Variants in CACNA1C observed in about 807,000 individuals in gnomAD.
The protein encoded by CACNA1C is voltage-dependent L-type calcium channel subunit alpha-1C.
CACNA1C carries 30 observed loss-of-function variants against 229.0 expected under a neutral mutation model. That is an observed-to-expected ratio of 0.13 (90% confidence interval 0.10 to 0.18). CACNA1C has a LOEUF of 0.18. Ranked by LOEUF, CACNA1C falls within the 10% of genes least tolerant of loss-of-function variation. The probability of loss-of-function intolerance (pLI) is 1.00; values close to 1 mark genes in which losing one functional copy is unlikely to be tolerated. For synonymous variants in CACNA1C, 1,114 were observed against 1,132.5 expected (o/e 0.98, Z 0.33); for missense variants, 1,658 against 2,845.0 (o/e 0.58, Z 9.49).
chr12:2,360,623 G>C (rs1241581237), intron 3 of CACNA1C, among the ~76,000 whole-genome samples: 1 of 152,188 alleles, frequency 6.6e-6, no homozygotes, highest in Admixed American at 6.5e-5. Flanking sequence ...TGGGAGTCAA[G>C]AGATGTATCT....
In CACNA1C at chr12:2,610,684, C is replaced by T. The variant is rs1602006284; in HGVS notation, c.3702C>T (p.Ile1234=). 6.2e-7 allele frequency: 1 copy of T among 1,614,256 alleles called. No individual in the cohort carries two copies. Among genetic ancestry groups the T allele is most frequent in the Non-Finnish European group, 8.5e-7 (1 of 1,180,042 alleles). Residue 1234 remains isoleucine (I), a synonymous_variant, in exon 28 of 47, where the codon ATC becomes ATT. Coordinates refer to ENST00000399655, the MANE Select transcript of CACNA1C (RefSeq NM_000719.7). Reference sequence around the variant, plus strand: ...TCGTCCTCATCCTGCTCAACACCATCTGCCTGGCCATGCAGGTCAGTCCCA... The same window carrying T: ...TCGTCCTCATCCTGCTCAACACCATTTGCCTGGCCATGCAGGTCAGTCCCA... The part of the protein sequence containing the change: ...LMFVLILLNT[I]CLAMQHYGQS...
chr12:2,112,087 G>A (rs922643263), intron 1 of CACNA1C, among the ~76,000 whole-genome samples: 1 of 152,168 alleles, frequency 6.6e-6, no homozygotes, highest in African/African-American at 2.4e-5. Flanking sequence ...AGGAGGCAGG[G>A]GTAGAGTCTA....
At chr12:2,377,221 A>G (rs527685838) in intron 3 of CACNA1C, among the ~76,000 whole-genome samples, 1 of 152,278 alleles carries the variant, frequency 6.6e-6, no homozygotes, top group African/African-American at 2.4e-5. Flanking sequence ...GGTTTCACTG[A>G]GCAGGGCTGT....
chr12:2,211,410 T>C (rs2097913138), intron 3 of CACNA1C, among the ~76,000 whole-genome samples: 1 of 152,214 alleles, frequency 6.6e-6, no homozygotes, highest in Non-Finnish European at 1.5e-5. Context: ...AGAAGGAGTA[T>C]GTCCGTGGAC....
At chr12:2,242,098 G>A (rs368461291) in intron 3 of CACNA1C, among the ~76,000 whole-genome samples, 65 of 152,110 alleles carry the variant, frequency 4.3e-4, no homozygotes, top group Admixed American at 1.6e-3. Flanking sequence ...CAGTCAGGCC[G>A]CATCCTCCGA....
chr12:2,074,548 G>A (rs771240440), intron 1 of CACNA1C, among the ~76,000 whole-genome samples: 2 of 152,048 alleles, frequency 1.3e-5, no homozygotes, highest in Non-Finnish European at 2.9e-5. Context: ...GACTCCTCTG[G>A]GGTCTCCTCT....
chr12:2,223,813 G>T (rs2062111137), intron 3 of CACNA1C, among the ~76,000 whole-genome samples: 1 of 152,102 alleles, frequency 6.6e-6, no homozygotes, highest in Non-Finnish European at 1.5e-5. Context: ...CATCCCTCAA[G>T]AAACTTATAT....
At chr12:2,625,091 C>T (rs1011294644) in intron 29 of CACNA1C, among the ~76,000 whole-genome samples, 1 of 152,102 alleles carries the variant, frequency 6.6e-6, no homozygotes, top group Non-Finnish European at 1.5e-5. Context: ...GACCTTCCCC[C>T]GCTCCCCCCG....
intron 8 of CACNA1C, among the ~76,000 whole-genome samples, chr12:2,509,694 T>A (rs1431683160): frequency 2.0e-5 from 3 of 152,168 alleles, no homozygotes; most frequent in Admixed American, 1.3e-4. Context: ...GGGGCCATTT[T>A]AAACAGCAAA....
intron 34 of CACNA1C, among the ~76,000 whole-genome samples, chr12:2,664,078 G>A (rs1483053491): frequency 1.3e-5 from 2 of 152,168 alleles, no homozygotes; most frequent in Non-Finnish European, 2.9e-5. Flanking sequence ...AAACGAACAA[G>A]AAGACAACCT....
At chr12:2,309,726 C>T (rs1363225567) in intron 3 of CACNA1C, among the ~76,000 whole-genome samples, 2 of 152,160 alleles carry the variant, frequency 1.3e-5, no homozygotes, top group African/African-American at 4.8e-5. Flanking sequence ...TTAAGCATCG[C>T]CTTGCAGGGG....
intron 3 of CACNA1C, among the ~76,000 whole-genome samples, chr12:2,434,701 T>C (rs1290300649): frequency 2.0e-5 from 3 of 152,174 alleles, no homozygotes; most frequent in African/African-American, 7.2e-5. Context: ...CACTTTGGAC[T>C]CTGTTTTCTG....
intron 5 of CACNA1C, among the ~76,000 whole-genome samples, chr12:2,464,857 C>T (rs1307157435): frequency 6.6e-6 from 1 of 152,182 alleles, no homozygotes; most frequent in Admixed American, 6.5e-5. Flanking sequence ...TTCCTGAAAG[C>T]AAATCAGCAC....
At position 2,665,436 on chromosome 12, in the gene CACNA1C, C is replaced by G. The variant is rs1304269917; in HGVS notation, c.4399-145C>G. 2.4e-6 allele frequency: 2 copies of G among 846,598 alleles called. No individual in the cohort carries two copies. The highest frequency in any genetic ancestry group is 2.6e-5 in the East Asian group (1 of 38,424). The allele number at this position is 846,598 out of a possible 1,614,324, so 52.4% of individuals were successfully genotyped here. ...TGTGTCAAGTTTATGTCCAAGAGAC[C>G]CAGGTTCTCAGGCTGGTAGGATGGA... On this transcript the variant is annotated intron_variant, in intron 35 of 46. Coordinates refer to ENST00000399655, the MANE Select transcript of CACNA1C (RefSeq NM_000719.7). The surrounding 1 kb of genome is among the most constrained non-coding windows in gnomAD (Gnocchi z 5.9).
rs953201155 is a variant in CACNA1C at position 2,677,633 on chromosome 12, C to T, written c.4957-100C>T. ...GGTCGACTGGCTGGGTGGAGGATGC[C>T]AGGGCCCTGGAGGGACAGGTCTTGG... On this transcript the variant is annotated intron_variant, in intron 40 of 46. Transcript: ENST00000399655. This position sits in a 1 kb window ranked among gnomAD's most constrained non-coding sequence, Gnocchi z 7.4. 4 of 1,373,964 alleles carry T rather than the reference C, an allele frequency of 2.9e-6. No individual in the cohort carries two copies. The highest frequency in any genetic ancestry group is 1.3e-5 in the South Asian group (1 of 76,110). The allele number at this position is 1,373,964 out of a possible 1,614,324, so 85.1% of individuals were successfully genotyped here.
chr12:2,565,439 AGTCCG>A (rs1313474724), intron 11 of CACNA1C, among the ~76,000 whole-genome samples: 13 of 146,638 alleles, frequency 8.9e-5, no homozygotes, highest in African/African-American at 1.5e-4. Flanking sequence ...TGCAGTCCGC[AGTCCG>A]GCCTGGGCGA....
intron 9 of CACNA1C, among the ~76,000 whole-genome samples, chr12:2,531,496 C>T (rs542012097): frequency 6.6e-6 from 1 of 152,328 alleles, no homozygotes; most frequent in Admixed American, 6.5e-5. Flanking sequence ...TTCTGCATTC[C>T]AATCCCCTTG....
At chr12:2,227,741 CAT>C (rs1276728360) in intron 3 of CACNA1C, among the ~76,000 whole-genome samples, 22 of 152,196 alleles carry the variant, frequency 1.4e-4, no homozygotes. Context: ...GATCCTAAGA[CAT>C]GTTTTCCCCT....
chr12:2,650,665 G>A (rs887332), intron 31 of CACNA1C, among the ~76,000 whole-genome samples: 105,571 of 152,050 alleles, frequency 0.69, 38,469 homozygotes, highest in Admixed American at 0.8. Context: ...AGGGCAGCCC[G>A]TCCTGCCCCC....
Sources: allele counts gnomAD v4.1 joint callset (sites outside exome capture counted in the v4.1 genomes callset), GRCh38; gene constraint gnomAD v4.1.1; non-coding constraint Gnocchi (gnomAD v3.1); transcripts MANE v1.5; gene names NCBI Gene and HGNC (gene_info 2026-07-23, HGNC 2026-07-21).